TMC5: variants seen among roughly 807,000 people sequenced by gnomAD.
The protein encoded by TMC5 is transmembrane channel like 5.
TMC5 carries 86 observed loss-of-function variants against 110.5 expected under a neutral mutation model. That is an observed-to-expected ratio of 0.78 (90% CI 0.65 to 0.93). TMC5 has a LOEUF of 0.93. TMC5 is among the 40% of genes least tolerant of loss of function. The pLI, the probability that TMC5 is intolerant of heterozygous loss-of-function variation, is 0.00. For missense variants in TMC5, 1,144 were observed against 1,222.8 expected, an observed-to-expected ratio of 0.94 and a Z score of 0.96; for synonymous variants, 455 against 439.5, an observed-to-expected ratio of 1.04 and a Z score of -0.44.
chr16:19,415,522 C>T (rs1966872415), upstream of TMC5, among the ~76,000 whole-genome samples: 1 of 152,178 alleles, frequency 6.6e-6, no homozygotes, highest in African/African-American at 2.4e-5. Flanking sequence ...CCCAGCTCCC[C>T]ACAACAGGCA....
intron 15 of TMC5, among the ~76,000 whole-genome samples, chr16:19,486,025 G>A (rs750392151): frequency 8.5e-5 from 13 of 152,140 alleles, no homozygotes; most frequent in Non-Finnish European, 1.6e-4. Flanking sequence ...TAGGTGGGTG[G>A]GAGATTTCTC....
intron 12 of TMC5, among the ~76,000 whole-genome samples, 156 bp from the exon 13 acceptor site, chr16:19,477,284 C>A (rs891355478): frequency 2.0e-5 from 3 of 152,052 alleles, no homozygotes; most frequent in Non-Finnish European, 4.4e-5. Context: ...CACATTGCTT[C>A]TGTTCACAAT....
chr16:19,479,545 C>T lies in TMC5; in HGVS notation c.2267+17C>T. ...TCTGAGGAGGTAAATATTTGCCATT[C>T]TTAAGTAATTAGGGCCTGATGCTGT... On this transcript the variant is annotated intron_variant, in intron 14 of 21. Transcript: ENST00000542583. 6.4e-7 allele frequency: 1 copy of T among 1,570,792 alleles called. No individual in the cohort carries two copies. Among genetic ancestry groups the T allele is most frequent in the Non-Finnish European group, 8.8e-7 (1 of 1,140,888 alleles).
At position 19,463,992 on chromosome 16, in the gene TMC5, C is replaced by T; in HGVS notation, c.1453C>T (p.Gln485Ter). 6.2e-7 allele frequency: 1 copy of T among 1,614,166 alleles called. No homozygotes were observed. The highest frequency in any genetic ancestry group is 8.5e-7 in the Non-Finnish European group (1 of 1,180,026). ...QFTVAKKNTLQFTGLEFFTGV... is the reference protein window; with the variant it reads ...QFTVAKKNTL Reference sequence around the variant, plus strand: ...TACCGTGGCCAAAAAGAACACCCTCCAGTTCACTGGGCTGGAGTTTTTCAC... The same window carrying T: ...TACCGTGGCCAAAAAGAACACCCTCTAGTTCACTGGGCTGGAGTTTTTCAC... Residue 485 changes from glutamine (Q) to a stop codon, truncating the protein, a stop_gained, in exon 8 of 22, where the codon CAG (glutamine) becomes TAG (stop). Coordinates refer to ENST00000542583, the MANE Select transcript of TMC5 (RefSeq NM_001261841.2). LOFTEE classifies it high-confidence loss of function.
intron 18 of TMC5, 127 bp from the exon 19 acceptor site, chr16:19,492,023 C>T: frequency 2.7e-6 from 2 of 744,338 alleles, no homozygotes; most frequent in South Asian, 3.3e-5. Context: ...CCTGACATGA[C>T]TTTTCAGAAA....
chr16:19,433,655 A>T (rs1180894272), intron 2 of TMC5, among the ~76,000 whole-genome samples: 3 of 151,292 alleles, frequency 2.0e-5, no homozygotes, highest in Non-Finnish European at 2.9e-5. Flanking sequence ...CTTCCTTTTT[A>T]TTGCCACACA....
intron 5 of TMC5, among the ~76,000 whole-genome samples, chr16:19,449,848 T>C (rs796821178): frequency 3.2e-4 from 43 of 132,404 alleles, no homozygotes; most frequent in African/African-American, 1.5e-3. Context: ...CCATGTAAGA[T>C]GTGCCCTTCT....
At chr16:19,428,654 T>C (rs1259579409) in intron 1 of TMC5, among the ~76,000 whole-genome samples, 1 of 152,202 alleles carries the variant, frequency 6.6e-6, no homozygotes, top group African/African-American at 2.4e-5. Flanking sequence ...TCTGACTCTT[T>C]CTCACTCATT....
chr16:19,476,367 G>A (rs1361220553), intron 12 of TMC5, among the ~76,000 whole-genome samples: 1 of 152,000 alleles, frequency 6.6e-6, no homozygotes, highest in Non-Finnish European at 1.5e-5. Flanking sequence ...GAGAGAAAGA[G>A]AGAGAGAGAA....
Position 19,495,099 on chromosome 16 carries a change from C to T in TMC5, c.2931+733C>T, listed in dbSNP as rs1969020729. ...GCGGGATCTCGGCGCACTGCAAGCT[C>T]CGCCTCCCGGGTTCACGCCATTCTC... On this transcript the variant is annotated intron_variant, in intron 20 of 21. Transcript: ENST00000542583. 8.1e-5 allele frequency among the ~76,000 whole-genome samples: 2 copies of T among 24,726 alleles called. 1 individual carries two copies. Among genetic ancestry groups the T allele is most frequent in the African/African-American group, 1.7e-4 (2 of 12,120 alleles). The allele number at this position is 24,726 out of a possible 152,430, so 16.2% of individuals were successfully genotyped here. A position where few individuals can be genotyped will look rare whatever the true frequency, so the allele number is the denominator to read the frequency against.
rs760354131 is a variant in TMC5, at chr16:19,463,242, C to T, written c.1149-38C>T. On this transcript the variant is annotated intron_variant, in intron 6 of 21. Transcript: ENST00000542583. The stretch of plus-strand genomic sequence containing the variant: ...TATTTTTTGAATGAATGAGTTGCAA[C>T]ATTTGTATCTCTCATTTTCTCTTGC... 4.7e-6 allele frequency: 7 copies of T among 1,488,102 alleles called. No homozygotes were observed. The East Asian group carries it at 6.8e-5, about 14-fold the overall frequency. 92.2% of individuals were successfully genotyped at this position (1,488,102 alleles called of 1,614,324 possible).
intron 15 of TMC5, among the ~76,000 whole-genome samples, chr16:19,485,851 G>T (rs1267525467): frequency 6.6e-6 from 1 of 152,194 alleles, no homozygotes; most frequent in Non-Finnish European, 1.5e-5. Flanking sequence ...CACCGCGGGA[G>T]AGTTGTAAAG....
At chr16:19,419,090 T>C (rs1344085344) in intron 1 of TMC5, among the ~76,000 whole-genome samples, 5 of 152,162 alleles carry the variant, frequency 3.3e-5, no homozygotes, top group Non-Finnish European at 4.4e-5. Flanking sequence ...GAGGTATGGG[T>C]TTGAATCCCA....
chr16:19,410,660 T>G (rs1336057010), upstream of TMC5: 2 of 152,296 alleles, frequency 1.3e-5, no homozygotes, highest in African/African-American at 4.8e-5. Context: ...AAGAAAGCGA[T>G]CGGCCCCGAG....
chr16:19,423,034 G>A (rs1967018602), intron 1 of TMC5, among the ~76,000 whole-genome samples: 1 of 152,178 alleles, frequency 6.6e-6, no homozygotes, highest in African/African-American at 2.4e-5. Flanking sequence ...TGAGGCAGGA[G>A]GATCGATGGA....
chr16:19,442,951 G>T (rs16972008), intron 3 of TMC5, among the ~76,000 whole-genome samples: 13,230 of 152,026 alleles, frequency 0.087, 1,405 homozygotes, highest in African/African-American at 0.26. Context: ...GCTTTTCATC[G>T]TCCATGGGTC....
intron 6 of TMC5, chr16:19,462,418 T>C: frequency 1.5e-6 from 1 of 670,612 alleles, no homozygotes; most frequent in Non-Finnish European, 2.7e-6. Flanking sequence ...TGTATTAGTC[T>C]GCTCTCACTC....
At chr16:19,492,682 G>T (rs1208381009) in intron 19 of TMC5, among the ~76,000 whole-genome samples, 1 of 151,622 alleles carries the variant, frequency 6.6e-6, no homozygotes, top group East Asian at 2.0e-4. Context: ...CTGACCTCAG[G>T]TGATCCACCT....
chr16:19,445,136 C>CA (rs552912747), intron 4 of TMC5, among the ~76,000 whole-genome samples: 31 of 150,988 alleles, frequency 2.1e-4, no homozygotes, highest in East Asian at 1.7e-3. Context: ...TAAAAACAAA[C>CA]AAAAAAAAGA....
Sources: gnomAD v4.1 joint callset for allele counts (sites outside exome capture counted in the v4.1 genomes callset) on GRCh38, gnomAD v4.1.1 for gene constraint, MANE v1.5 for transcripts, NCBI Gene and HGNC (gene_info 2026-07-23, HGNC 2026-07-21) for gene names.